The following ARFGEF3 variants were observed in gnomAD, a reference collection of about 807,000 sequenced individuals.
ARFGEF3 encodes brefeldin A-inhibited guanine nucleotide-exchange protein 3.
A neutral mutation model predicts 221.7 loss-of-function variants in ARFGEF3; 96 were observed. The ratio of observed to expected loss-of-function variants is 0.43; its 90% CI spans 0.37 to 0.51. ARFGEF3 has a LOEUF of 0.51. Ranked by LOEUF, ARFGEF3 falls within the 20% of genes least tolerant of loss-of-function variation. The pLI is 0.00. For synonymous variants in ARFGEF3, 1,145 were observed against 1,126.8 expected (o/e 1.02, Z -0.32); for missense variants, 2,410 against 2,789.9 (o/e 0.86, Z 3.07).
intron 4 of ARFGEF3, chr6:138,218,047 G>A (rs768752233): frequency 6.3e-7 from 1 of 1,581,686 alleles, no homozygotes; most frequent in Non-Finnish European, 8.5e-7. Context: ...TCCAGACCTA[G>A]GGTCTGAGTT....
At position 138,255,648 on chromosome 6, in the gene ARFGEF3, A is replaced by T; in HGVS notation, c.983A>T (p.Glu328Val). ...VARTIYYIAA[E>V]LVRLVGSVDS... The stretch of plus-strand genomic sequence containing the variant: ...CGGACTATCTATTACATCGCAGCCG[A>T]GCTGGTCCGGCTGGTGGGGTCTGTG... Residue 328 changes from glutamate to valine, a missense_variant, in exon 10 of 34, where the codon GAG becomes GTG. Transcript: ENST00000251691. 6.2e-7 allele frequency: 1 copy of T among 1,613,828 alleles called. No individual in the cohort carries two copies. Among genetic ancestry groups the T allele is most frequent in the South Asian group, 1.1e-5 (1 of 91,048 alleles).
chr6:138,236,713 G>A (rs1218029521), intron 5 of ARFGEF3, among the ~76,000 whole-genome samples: 1 of 152,122 alleles, frequency 6.6e-6, no homozygotes, highest in Non-Finnish European at 1.5e-5. Flanking sequence ...AAGCGATCCA[G>A]CCACCTCAGC....
intron 2 of ARFGEF3, among the ~76,000 whole-genome samples, chr6:138,182,355 T>A (rs1777092853): frequency 6.6e-6 from 1 of 152,202 alleles, no homozygotes; most frequent in South Asian, 2.1e-4. Flanking sequence ...TGAAGCACCA[T>A]TGTTGAAAAA....
At chr6:138,265,507 A>G (rs1778877343) in intron 12 of ARFGEF3, among the ~76,000 whole-genome samples, 1 of 152,246 alleles carries the variant, frequency 6.6e-6, no homozygotes, top group South Asian at 2.1e-4. Flanking sequence ...GACTAGGAAA[A>G]TGTATACTCT....
rs187426538 is a variant in ARFGEF3 at position 138,259,285 on chromosome 6, C to T, written c.1105-2242C>T. Among the ~76,000 whole-genome samples the T allele has an allele frequency of 6.6e-5, 10 of 152,336 alleles. No individual in the cohort carries two copies. The East Asian group carries it at 1.2e-3, about 18-fold the overall frequency. ...GCTTGGTATGTTATTTCCCTGTTCT[C>T]GTTTTACTTTGTCACTCTGCCATAT... On this transcript the variant is annotated intron_variant, in intron 10 of 33. Coordinates refer to ENST00000251691, the MANE Select transcript of ARFGEF3 (RefSeq NM_020340.5).
chr6:138,265,115 G>A (rs1017469517), intron 12 of ARFGEF3, among the ~76,000 whole-genome samples: 5 of 152,088 alleles, frequency 3.3e-5, no homozygotes, highest in African/African-American at 7.2e-5. Context: ...GTGTTAGCCA[G>A]GATGGTCTCG....
rs145271719 is a variant in ARFGEF3, at chr6:138,210,011, C to T, written c.321C>T (p.Leu107=). ...ATGCCGTGAAAGTGACGCCTTCGCT[C>T]AACGAGGACCTGCAGGTGGAAGTGA... ...ILNAVKVTPS[L]NEDLQVEVMK... The change falls in exon 4 of 34, where the codon CTC becomes CTT. Residue 107 remains leucine, a synonymous_variant. Transcript: ENST00000251691. 2,460 of 1,613,796 alleles carry T rather than the reference C, an allele frequency of 1.5e-3. 28 individuals are homozygous for T. In the South Asian group the frequency reaches 0.023, roughly 15 times the overall value.
At chr6:138,229,878 C>T (rs1404219200) in intron 5 of ARFGEF3, 26 bp downstream of exon 5, 2 of 1,592,506 alleles carry the variant, frequency 1.3e-6, no homozygotes, top group Non-Finnish European at 1.7e-6. Flanking sequence ...GTCTGTGCCT[C>T]CTGTTCACAG....
At chr6:138,318,796 A>T (rs1179854541) in intron 27 of ARFGEF3, among the ~76,000 whole-genome samples, 3 of 152,248 alleles carry the variant, frequency 2.0e-5, no homozygotes, top group Admixed American at 6.5e-5. Context: ...AAGAAGCACA[A>T]TGATTTTCAT....
At chr6:138,211,919 A>T (rs930696793) in intron 4 of ARFGEF3, among the ~76,000 whole-genome samples, 2 of 152,210 alleles carry the variant, frequency 1.3e-5, no homozygotes, top group African/African-American at 4.8e-5. Context: ...CTCTCCAATG[A>T]CACCATTATA....
intron 8 of ARFGEF3, among the ~76,000 whole-genome samples, chr6:138,249,606 C>T (rs1386677817): frequency 1.3e-5 from 2 of 152,210 alleles, no homozygotes; most frequent in African/African-American, 4.8e-5. Context: ...GGGTGGATCA[C>T]TTGAGGTCAG....
Position 138,278,608 on chromosome 6 carries a change from A to G in ARFGEF3, c.2286A>G (p.Pro762=), listed in dbSNP as rs1779141571. Residue 762 remains proline (P), a synonymous_variant, in exon 13 of 34, where the codon CCA becomes CCG. Transcript: ENST00000251691. The stretch of plus-strand genomic sequence containing the variant: ...ACAGGAAGCGGCCGACCCTGGCGCC[A>G]GGCGTGATGGTGAGTGTGCCGTCCC... ...DYYRKRPTLA[P]GVMKDFMKQV... 2 of 1,613,682 alleles carry G rather than the reference A, an allele frequency of 1.2e-6. No homozygotes were observed. The highest frequency in any genetic ancestry group is 1.7e-5 in the Admixed American group (1 of 59,996).
chr6:138,308,583 G>T (rs1232310348), intron 23 of ARFGEF3, among the ~76,000 whole-genome samples, 156 bp from the exon 24 acceptor site: 2 of 152,054 alleles, frequency 1.3e-5, no homozygotes, highest in Non-Finnish European at 2.9e-5. Context: ...CACCATGCTG[G>T]AGCCAAGCCA....
rs1413949297 is a variant in ARFGEF3, at chr6:138,323,826, C to T, written c.4869+53C>T. On this transcript the variant is annotated intron_variant, in intron 30 of 33. Transcript: ENST00000251691. ...GGCACAGTTCTAACCATCTTTAGCTCCTGATCCCTTACCATGTTGGGCACA... is the reference window on the plus strand; with the variant it reads ...GGCACAGTTCTAACCATCTTTAGCTTCTGATCCCTTACCATGTTGGGCACA... 6 of 1,586,086 alleles carry T rather than the reference C, an allele frequency of 3.8e-6. No individual in the cohort carries two copies. The African/African-American group carries it at 4.0e-5, about 11-fold the overall frequency.
rs773057106 is a variant in ARFGEF3 at position 138,255,436 on chromosome 6, G to C, written c.771G>C (p.Trp257Cys). Reference protein sequence around the residue: ...HLHRRFTDLIWKNLCPALIVI... With the variant: ...HLHRRFTDLICKNLCPALIVI... ...TACTTTTCTCACCATCTCTTCCCAGGAAAAACCTCTGCCCTGCTCTCATCG... is the reference window on the plus strand; with the variant it reads ...TACTTTTCTCACCATCTCTTCCCAGCAAAAACCTCTGCCCTGCTCTCATCG... Residue 257 changes from tryptophan to cysteine, a missense_variant and splice_region_variant, in exon 10 of 34, where the codon TGG becomes TGC. Around this residue, in one of 5 missense-constraint regions of ARFGEF3, gnomAD observed 570 missense variants for 586.9 expected, o/e 0.97. Transcript: ENST00000251691. 6.4e-7 allele frequency: 1 copy of C among 1,570,396 alleles called. No homozygotes were observed. The highest frequency in any genetic ancestry group is 8.7e-7 in the Non-Finnish European group (1 of 1,150,400).
At position 138,337,170 on chromosome 6, in the gene ARFGEF3, C is replaced by G. The variant is rs905740478; in HGVS notation, c.*684C>G. On this transcript the variant is annotated 3_prime_UTR_variant, in exon 34 of 34. Transcript: ENST00000251691. Reference sequence around the variant, plus strand: ...ATTTCTAAAAGAAGAAAGTTCTTTCCTAGCAGGGTTTGAAGTCTGTGGCTT... The same window carrying G: ...ATTTCTAAAAGAAGAAAGTTCTTTCGTAGCAGGGTTTGAAGTCTGTGGCTT... The G allele has an allele frequency of 6.6e-6, 1 of 152,590 alleles. No homozygotes were observed. Among genetic ancestry groups the G allele is most frequent in the African/African-American group, 2.4e-5 (1 of 41,426 alleles). 9.5% of individuals were successfully genotyped at this position (152,590 alleles called of 1,614,324 possible).
intron 12 of ARFGEF3, among the ~76,000 whole-genome samples, chr6:138,274,464 A>G (rs1427112136): frequency 2.0e-5 from 3 of 152,180 alleles, no homozygotes; most frequent in South Asian, 2.1e-4. Flanking sequence ...CCAAGGATGT[A>G]GTTTTCAGAT....
intron 1 of ARFGEF3, among the ~76,000 whole-genome samples, chr6:138,169,957 A>C (rs562409591): frequency 3.9e-4 from 60 of 152,328 alleles, no homozygotes; most frequent in South Asian, 1.7e-3. Context: ...CAAGGAGTGA[A>C]GAAAGGGGTC....
intron 12 of ARFGEF3, among the ~76,000 whole-genome samples, chr6:138,265,758 T>C (rs1241713070): frequency 6.6e-6 from 1 of 152,166 alleles, no homozygotes; most frequent in Non-Finnish European, 1.5e-5. Context: ...TCAATAAATA[T>C]TTATTGATTG....
Sources: gnomAD v4.1 joint callset for allele counts (sites outside exome capture counted in the v4.1 genomes callset) on GRCh38, gnomAD v4.1.1 for gene constraint, gnomAD v4.1.1 regional missense constraint, MANE v1.5 for transcripts, NCBI Gene and HGNC (gene_info 2026-07-23, HGNC 2026-07-21) for gene names.